The following SHROOM4 variants were observed in gnomAD, a reference collection of about 807,000 sequenced individuals.
SHROOM4 encodes the protein protein Shroom4.
Under a neutral mutation model 80.3 loss-of-function variants are expected in SHROOM4, and 17 were observed. The ratio of observed to expected loss-of-function variants is 0.21; its 90% CI spans 0.14 to 0.32. SHROOM4 has a LOEUF of 0.32. Ranked by LOEUF, SHROOM4 falls within the 10% of genes least tolerant of loss-of-function variation. The pLI is 1.00. For missense variants in SHROOM4, 993 were observed against 1,140.3 expected (o/e 0.87, Z 1.86); for synonymous variants, 400 against 437.5 (o/e 0.91, Z 1.07).
intron 1 of SHROOM4, among the ~76,000 whole-genome samples, chrX:50,709,302 C>T (rs782456962): frequency 8.9e-6 from 1 of 112,284 alleles, no homozygotes; most frequent in South Asian, 3.7e-4. Flanking sequence ...GCTTTTGGCT[C>T]CACAGGGCCC....
At chrX:50,658,970 T>C (rs868946924) in intron 2 of SHROOM4, among the ~76,000 whole-genome samples, 7 of 111,731 alleles carry the variant, frequency 6.3e-5, no homozygotes, top group African/African-American at 2.3e-4. Flanking sequence ...TATTCTGACA[T>C]GCATAATACA....
chrX:50,753,339 C>T (rs1385966791), intron 1 of SHROOM4, among the ~76,000 whole-genome samples: 2 of 112,215 alleles, frequency 1.8e-5, no homozygotes, highest in Non-Finnish European at 3.8e-5. Flanking sequence ...AATGTTACAT[C>T]GGGTTTTAAT....
At chrX:50,761,816 C>T (rs782320290) in intron 1 of SHROOM4, among the ~76,000 whole-genome samples, 2 of 111,759 alleles carry the variant, frequency 1.8e-5, no homozygotes, top group Non-Finnish European at 3.8e-5. Flanking sequence ...CTGCCTTGGC[C>T]TCCCAAAGTG....
At chrX:50,656,008 T>G (rs1456361615) in intron 2 of SHROOM4, among the ~76,000 whole-genome samples, 1 of 111,930 alleles carries the variant, frequency 8.9e-6, no homozygotes, top group Non-Finnish European at 1.9e-5. Context: ...TGATGATTAG[T>G]GACGTCAAAC....
intron 2 of SHROOM4, among the ~76,000 whole-genome samples, chrX:50,685,843 T>C (rs979778997): frequency 1.3e-4 from 15 of 112,013 alleles, no homozygotes; most frequent in Admixed American, 4.7e-4. Context: ...GATAACTTTC[T>C]AGATCAAGAA....
At chrX:50,735,454 G>GA (rs1202225930) in intron 1 of SHROOM4, among the ~76,000 whole-genome samples, 2 of 111,565 alleles carry the variant, frequency 1.8e-5, no homozygotes, top group African/African-American at 6.5e-5. Flanking sequence ...AGTAGCAAAA[G>GA]AAAAAATAGA....
chrX:50,747,850 A>T (rs910774494), intron 1 of SHROOM4, among the ~76,000 whole-genome samples: 1 of 112,236 alleles, frequency 8.9e-6, no homozygotes, highest in African/African-American at 3.2e-5. Flanking sequence ...TGGTGTACCC[A>T]CTAAGTGCTC....
intron 1 of SHROOM4, among the ~76,000 whole-genome samples, chrX:50,755,347 C>A (rs782167301): frequency 1.5e-4 from 17 of 111,732 alleles, no homozygotes; most frequent in Non-Finnish European, 2.8e-4. Flanking sequence ...TAGCTTAAAC[C>A]GCAAGACACA....
At position 50,652,267 on chromosome X, in the gene SHROOM4, T is replaced by C. The variant is rs1932122083; in HGVS notation, c.270-13959A>G. On this transcript the variant is annotated intron_variant, in intron 2 of 8. Coordinates refer to ENST00000376020, the MANE Select transcript of SHROOM4 (RefSeq NM_020717.5). Reference sequence around the variant, plus strand: ...CTGTTGTTTCCTGACTTTTTAATGATTGCCATTCTAACTGGAGTGAGATGG... The same window carrying C: ...CTGTTGTTTCCTGACTTTTTAATGACTGCCATTCTAACTGGAGTGAGATGG... Among the ~76,000 whole-genome samples, 5 of 112,319 alleles carry C rather than the reference T, an allele frequency of 4.5e-5. No homozygotes were observed. The South Asian group carries it at 1.9e-3, about 42-fold the overall frequency.
chrX:50,660,508 T>TTC (rs782511926), intron 2 of SHROOM4, among the ~76,000 whole-genome samples: 8,131 of 85,975 alleles, frequency 0.095, 1,392 homozygotes, highest in African/African-American at 0.33. Flanking sequence ...AGTGTTGAGC[T>TTC]TCTCTCTCTC....
intron 2 of SHROOM4, among the ~76,000 whole-genome samples, chrX:50,654,536 AT>A (rs111952291): frequency 9.0e-6 from 1 of 110,948 alleles, no homozygotes; most frequent in African/African-American, 3.3e-5. Flanking sequence ...AATACTTATC[AT>A]TTTTTGTGGT....
At chrX:50,749,914 G>T (rs1934870816) in intron 1 of SHROOM4, among the ~76,000 whole-genome samples, 2 of 111,399 alleles carry the variant, frequency 1.8e-5, no homozygotes, top group Admixed American at 1.9e-4. Context: ...CTAGAAATCT[G>T]GTTTTTAGAA....
intron 2 of SHROOM4, among the ~76,000 whole-genome samples, chrX:50,671,909 T>C (rs986509916): frequency 3.5e-5 from 4 of 112,679 alleles, no homozygotes; most frequent in African/African-American, 6.4e-5. Flanking sequence ...CTTAAGCATT[T>C]CTAACTTTTT....
In SHROOM4 at chrX:50,627,761, G is replaced by A. The variant is rs180779602; in HGVS notation, c.2896-86C>T. On this transcript the variant is annotated intron_variant, in intron 4 of 8. Coordinates refer to ENST00000376020, the MANE Select transcript of SHROOM4 (RefSeq NM_020717.5). Reference sequence around the variant, plus strand: ...CAAAAATGTGAAGAGGTCAGGAGCCGGTGTCTGGCCCAGCCCCCCAGCTTG... The same window carrying A: ...CAAAAATGTGAAGAGGTCAGGAGCCAGTGTCTGGCCCAGCCCCCCAGCTTG... 6.6e-5 allele frequency: 51 copies of A among 771,209 alleles called. No individual in the cohort carries two copies. In the African/African-American group the frequency reaches 6.8e-4, roughly 10 times the overall value. 63.6% of individuals were successfully genotyped at this position (771,209 alleles called of 1,213,427 possible).
intron 1 of SHROOM4, among the ~76,000 whole-genome samples, chrX:50,742,433 T>G (rs1934682000): frequency 9.0e-6 from 1 of 111,103 alleles, no homozygotes; most frequent in Non-Finnish European, 1.9e-5. Context: ...TTCTTTTTCT[T>G]TGGTTCCAGG....
intron 2 of SHROOM4, among the ~76,000 whole-genome samples, chrX:50,693,586 CT>C (rs370096863): frequency 0.022 from 2,129 of 95,468 alleles, 58 homozygotes; most frequent in African/African-American, 0.072. Flanking sequence ...AAAGTAAGAG[CT>C]TTTTTTTTTT....
intron 1 of SHROOM4, among the ~76,000 whole-genome samples, chrX:50,703,580 T>A (rs1335224577): frequency 9.0e-6 from 1 of 111,160 alleles, no homozygotes; most frequent in Non-Finnish European, 1.9e-5. Flanking sequence ...GTGATTGGAT[T>A]ATGGGGGCAG....
intron 1 of SHROOM4, among the ~76,000 whole-genome samples, chrX:50,812,331 A>G: frequency 1.9e-5 from 2 of 107,925 alleles, no homozygotes; most frequent in African/African-American, 3.4e-5. Flanking sequence ...AAAAAAAAAA[A>G]AAAAAAAAAG....
chrX:50,714,816 G>C (rs1306458620), intron 1 of SHROOM4, among the ~76,000 whole-genome samples: 1 of 111,693 alleles, frequency 9.0e-6, no homozygotes, highest in Non-Finnish European at 1.9e-5. Flanking sequence ...TCAATCTTCT[G>C]CAATTCCCAG....
Sources: gnomAD v4.1 joint callset for allele counts (sites outside exome capture counted in the v4.1 genomes callset) on GRCh38, gnomAD v4.1.1 for gene constraint, MANE v1.5 for transcripts, NCBI Gene and HGNC (gene_info 2026-07-23, HGNC 2026-07-21) for gene names.